Variants in PHF21A observed in about 807,000 individuals in gnomAD.
PHF21A encodes the protein BHC80a.
In PHF21A, 11 loss-of-function variants were observed where a neutral mutation model predicts 82.5. That is an observed-to-expected ratio of 0.13 (90% confidence interval 0.08 to 0.22). The LOEUF (loss-of-function observed/expected upper bound fraction) is 0.22, where lower values mean the gene tolerates loss of function less well. Among genes scored for constraint, PHF21A ranks in the 10% least tolerant of loss-of-function variants. The pLI, the probability that PHF21A is intolerant of heterozygous loss-of-function variation, is 1.00. For synonymous variants in PHF21A, 297 were observed against 302.8 expected (o/e 0.98, Z 0.20); for missense variants, 579 against 837.8 (o/e 0.69, Z 3.81).
chr11:46,068,668 G>GA (rs973661005), intron 6 of PHF21A, among the ~76,000 whole-genome samples: 65 of 148,730 alleles, frequency 4.4e-4, no homozygotes, highest in South Asian at 4.3e-4. Flanking sequence ...GAGCAAAGTG[G>GA]AAAAAAAAAA....
At chr11:46,109,257 G>A (rs2097184737) in intron 1 of PHF21A, among the ~76,000 whole-genome samples, 1 of 152,096 alleles carries the variant, frequency 6.6e-6, no homozygotes, top group Admixed American at 6.5e-5. Context: ...AATGGAGGTA[G>A]GATAATAATA....
At position 45,981,872 on chromosome 11, in the gene PHF21A, T is replaced by TA. The variant is rs202214058; in HGVS notation, c.154-1907dup. Reference sequence around the variant, plus strand: ...AAAATGAATTTCTAAAATCTTTAAGTAAAAAAAAAAGTTCTCTTGAGAGTT... The same window carrying TA: ...AAAATGAATTTCTAAAATCTTTAAGTAAAAAAAAAAAGTTCTCTTGAGAGTT... On this transcript the variant is annotated intron_variant, in intron 6 of 18. Coordinates refer to ENST00000676320, the MANE Select transcript of PHF21A (RefSeq NM_001352027.3). 3.7e-3 allele frequency among the ~76,000 whole-genome samples: 534 copies of TA among 146,298 alleles called. 1 individual carries two copies. The highest frequency in any genetic ancestry group is 7.1e-3 in the Middle Eastern group (2 of 280).
Position 45,934,016 on chromosome 11 carries a change from G to A in PHF21A, c.1998C>T (p.Ser666=). ...TACAGTTCGCTGTGCAGCTCTGGGA[G>A]GAGGGGGAAGGGGCCGGCGTGGAGG... ...AATSTPAPSP[S]SQSCTANCNQ... is the part of the protein sequence containing the mutation. The change falls in exon 19 of 19, where the codon TCC becomes TCT. Residue 666 remains serine, a synonymous_variant. Transcript: ENST00000676320. 2 of 1,609,952 alleles carry A rather than the reference G, an allele frequency of 1.2e-6. No homozygotes were observed. The highest frequency in any genetic ancestry group is 1.7e-6 in the Non-Finnish European group (2 of 1,177,966).
At chr11:45,938,443 G>T in intron 15 of PHF21A, 131 bp from the exon 16 acceptor site, 1 of 709,392 alleles carries the variant, frequency 1.4e-6, no homozygotes, top group Non-Finnish European at 2.3e-6. Context: ...CTCAAGAGAA[G>T]CAGGAATCAC....
intron 6 of PHF21A, among the ~76,000 whole-genome samples, chr11:46,036,406 G>C (rs577824357): frequency 6.6e-6 from 1 of 152,282 alleles, no homozygotes; most frequent in African/African-American, 2.4e-5. Flanking sequence ...AGTTTCCTTG[G>C]CTACATCTGG....
chr11:46,108,173 G>T (rs2097172328), intron 1 of PHF21A, among the ~76,000 whole-genome samples: 1 of 152,046 alleles, frequency 6.6e-6, no homozygotes, highest in Non-Finnish European at 1.5e-5. Context: ...CAAGAAGAGA[G>T]ATTACCAGTT....
chr11:46,051,012 G>A (rs2139152031), intron 6 of PHF21A, among the ~76,000 whole-genome samples: 2 of 152,274 alleles, frequency 1.3e-5, no homozygotes, highest in African/African-American at 2.4e-5. Flanking sequence ...TTCAGCTGCT[G>A]CTGAGAAACA....
At chr11:46,103,268 C>T (rs2097118660) in intron 1 of PHF21A, among the ~76,000 whole-genome samples, 1 of 152,146 alleles carries the variant, frequency 6.6e-6, no homozygotes, top group African/African-American at 2.4e-5. Flanking sequence ...ATTCAACCAA[C>T]GGAAACAACT....
chr11:45,975,169 T>C (rs1383787999), intron 7 of PHF21A, among the ~76,000 whole-genome samples: 2 of 151,590 alleles, frequency 1.3e-5, no homozygotes, highest in Non-Finnish European at 2.9e-5. Flanking sequence ...CAAAAATTAG[T>C]TGGGCATGGT....
intron 6 of PHF21A, among the ~76,000 whole-genome samples, chr11:46,002,446 C>T (rs917833031): frequency 5.3e-5 from 8 of 152,100 alleles, no homozygotes; most frequent in Non-Finnish European, 1.2e-4. Context: ...TACCATATCT[C>T]TTTCCATTTA....
At chr11:46,009,709 G>C (rs1371333621) in intron 6 of PHF21A, among the ~76,000 whole-genome samples, 1 of 152,108 alleles carries the variant, frequency 6.6e-6, no homozygotes, top group African/African-American at 2.4e-5. Flanking sequence ...TTCCAACTTG[G>C]GCAGTTTGGC....
chr11:45,934,471 G>A, intron 18 of PHF21A: 1 of 507,178 alleles, frequency 2.0e-6, no homozygotes, highest in Non-Finnish European at 3.5e-6. Flanking sequence ...AGAGCATGCG[G>A]GCACCAACAC....
At chr11:45,961,277 T>C (rs573369108) in intron 10 of PHF21A, among the ~76,000 whole-genome samples, 3 of 152,338 alleles carry the variant, frequency 2.0e-5, no homozygotes, top group South Asian at 2.1e-4. Flanking sequence ...GTATACTTTA[T>C]ATACTTGTCT....
At chr11:45,943,041 C>A (rs1159697713) in intron 15 of PHF21A, among the ~76,000 whole-genome samples, 2 of 151,850 alleles carry the variant, frequency 1.3e-5, no homozygotes, top group Non-Finnish European at 2.9e-5. Context: ...ATCCTGATGG[C>A]TCTTCAAAAT....
intron 6 of PHF21A, among the ~76,000 whole-genome samples, chr11:46,069,896 CA>C (rs2096636614): frequency 6.6e-6 from 1 of 152,190 alleles, no homozygotes; most frequent in African/African-American, 2.4e-5. Context: ...CTACAGCCAA[CA>C]ATTTCCTTTT....
intron 14 of PHF21A, among the ~76,000 whole-genome samples, chr11:45,948,619 C>A (rs1168068507): frequency 6.6e-6 from 1 of 152,244 alleles, no homozygotes; most frequent in Non-Finnish European, 1.5e-5. Context: ...GATGGCCTGG[C>A]AGGCTTGGGG....
intron 10 of PHF21A, among the ~76,000 whole-genome samples, chr11:45,964,361 G>A (rs1042402965): frequency 2.6e-5 from 4 of 152,042 alleles, no homozygotes; most frequent in South Asian, 4.1e-4. Flanking sequence ...AAGGTCTGCC[G>A]CATTTGTGAG....
intron 8 of PHF21A, 110 bp from the exon 9 acceptor site, chr11:45,970,014 T>C (rs1373263006): frequency 1.4e-5 from 11 of 792,238 alleles, no homozygotes; most frequent in South Asian, 4.5e-5. Context: ...TTCTACAAGC[T>C]TTCATCGTAA....
intron 15 of PHF21A, among the ~76,000 whole-genome samples, chr11:45,938,515 T>C (rs1235233696): frequency 6.6e-6 from 1 of 152,272 alleles, no homozygotes; most frequent in African/African-American, 2.4e-5. Context: ...GACAGTACAA[T>C]AGTCCCCCCT....
Sources: allele counts gnomAD v4.1 joint callset (sites outside exome capture counted in the v4.1 genomes callset), GRCh38; gene constraint gnomAD v4.1.1; transcripts MANE v1.5; gene names NCBI Gene and HGNC (gene_info 2026-07-23, HGNC 2026-07-21).